The following DNAH8 variants were observed in gnomAD, a reference collection of about 807,000 sequenced individuals.
DNAH8 encodes dynein axonemal heavy chain 8, also known as axonemal beta dynein heavy chain 8.
In DNAH8, 382 loss-of-function variants were observed where a neutral mutation model predicts 562.1. The ratio of observed to expected loss-of-function variants is 0.68; its 90% CI spans 0.63 to 0.74. The LOEUF is 0.74. Among genes scored for constraint, DNAH8 ranks in the 30% least tolerant of loss-of-function variants. The probability of loss-of-function intolerance (pLI) is 0.00; values close to 1 mark genes in which losing one functional copy is unlikely to be tolerated. For synonymous variants in DNAH8, 1,881 were observed against 1,919.4 expected (o/e 0.98, Z 0.52); for missense variants, 5,203 against 5,620.4 (o/e 0.93, Z 2.37).
At chr6:38,819,231 G>A (rs1364283240) in intron 26 of DNAH8, among the ~76,000 whole-genome samples, 1 of 152,128 alleles carries the variant, frequency 6.6e-6, no homozygotes, top group African/African-American at 2.4e-5. Flanking sequence ...CTTTTAAAAG[G>A]TGTTTAGGGA....
chr6:38,781,189 GTA>G, intron 15 of DNAH8, 63 bp from the exon 16 acceptor site: 1 of 1,516,988 alleles, frequency 6.6e-7, no homozygotes, highest in South Asian at 1.1e-5. Flanking sequence ...AAATATAGCT[GTA>G]TATATTTTTT....
chr6:38,925,449 G>T (rs1583370936), intron 73 of DNAH8, among the ~76,000 whole-genome samples: 1 of 151,856 alleles, frequency 6.6e-6, no homozygotes, highest in East Asian at 1.9e-4. Flanking sequence ...GACCCTCCCA[G>T]ACTCCCAAAA....
intron 66 of DNAH8, among the ~76,000 whole-genome samples, chr6:38,913,542 G>A (rs146438494): frequency 2.6e-5 from 4 of 152,254 alleles, no homozygotes; most frequent in East Asian, 1.9e-4. Context: ...GCCACAGAGA[G>A]CATAAATTTG....
At chr6:38,874,074 TTCTTTC>T (rs1561797440) in intron 52 of DNAH8, among the ~76,000 whole-genome samples, 3 of 100,540 alleles carry the variant, frequency 3.0e-5, no homozygotes, top group Non-Finnish European at 4.2e-5. Flanking sequence ...TTCTTTTTCT[TTCTTTC>T]TTTCTTTCTT....
intron 89 of DNAH8, among the ~76,000 whole-genome samples, chr6:39,010,112 C>T (rs1304054751): frequency 6.7e-6 from 1 of 150,216 alleles, no homozygotes; most frequent in Non-Finnish European, 1.5e-5. Flanking sequence ...GCCACTTCAC[C>T]AACAAGACCT....
chr6:38,772,029 CT>C (rs34980133), intron 12 of DNAH8, among the ~76,000 whole-genome samples: 5,057 of 131,826 alleles, frequency 0.038, 183 homozygotes, highest in African/African-American at 0.11. Flanking sequence ...TTTATGATTT[CT>C]TTTTTTTTTT....
At chr6:38,987,383 C>A (rs1052018142) in intron 87 of DNAH8, among the ~76,000 whole-genome samples, 32 of 152,170 alleles carry the variant, frequency 2.1e-4, no homozygotes, top group African/African-American at 6.0e-4. Context: ...CTTCAACCCT[C>A]TCCTAGAAAC....
rs757046068 is a variant in DNAH8 at position 38,807,650 on chromosome 6, T to C, written c.3191T>C (p.Leu1064Pro). 1 of 1,566,656 alleles carries C rather than the reference T, an allele frequency of 6.4e-7. No homozygotes were observed. Among genetic ancestry groups the C allele is most frequent in the South Asian group, 1.3e-5 (1 of 78,976 alleles). ...EVFAFFSHQL[L>P]DSLQKATRLS... ...TTTGCTTTTTTCTCTCATCAATTAC[T>C]AGACAGTCTTCAAAAAGCTACACGG... Residue 1064 changes from leucine to proline, a missense_variant, in exon 24 of 93, where the codon CTA becomes CCA. This residue lies in a region of DNAH8 where 2,176 missense variants were observed against 2,365.1 expected (regional missense o/e 0.92). Transcript: ENST00000327475.
intron 8 of DNAH8, among the ~76,000 whole-genome samples, chr6:38,744,565 A>G (rs1417126975): frequency 1.3e-5 from 2 of 151,944 alleles, no homozygotes; most frequent in Admixed American, 6.6e-5. Context: ...AAATTCAGAC[A>G]TTGTTTTGTA....
At chr6:38,907,050 T>C (rs2150521778) in intron 63 of DNAH8, among the ~76,000 whole-genome samples, 1 of 152,320 alleles carries the variant, frequency 6.6e-6, no homozygotes, top group Middle Eastern at 3.4e-3. Context: ...TGAAACATTG[T>C]GGTCCCAAGC....
intron 58 of DNAH8, among the ~76,000 whole-genome samples, chr6:38,891,804 G>A (rs1327263502): frequency 5.9e-5 from 9 of 152,240 alleles, no homozygotes; most frequent in Admixed American, 5.2e-4. Context: ...CCTTGCAGCT[G>A]TCTTCCATCA....
chr6:38,999,222 T>A (rs1332408115), intron 88 of DNAH8, among the ~76,000 whole-genome samples: 2 of 152,146 alleles, frequency 1.3e-5, no homozygotes, highest in Non-Finnish European at 2.9e-5. Context: ...CAGCAGCATC[T>A]CCATCAGCCT....
chr6:38,839,072 G>A (rs538358680), intron 33 of DNAH8, among the ~76,000 whole-genome samples: 1 of 152,234 alleles, frequency 6.6e-6, no homozygotes, highest in South Asian at 2.1e-4. Flanking sequence ...TTCTCCAAAC[G>A]TAATCCATTA....
At chr6:38,807,758 A>G (rs761657939) in intron 24 of DNAH8, 42 bp downstream of exon 24, 1 of 1,048,766 alleles carries the variant, frequency 9.5e-7, no homozygotes, top group South Asian at 2.1e-5. Context: ...AATCATACTT[A>G]TAATGTGAAT....
At chr6:38,918,174 T>A in intron 70 of DNAH8, 34 bp downstream of exon 70, 2 of 1,477,794 alleles carry the variant, frequency 1.4e-6, no homozygotes, top group Non-Finnish European at 1.9e-6. Flanking sequence ...AGTAAATCAA[T>A]ATTTCATAAA....
chr6:38,907,874 A>G (rs560428430), intron 63 of DNAH8, 82 bp from the exon 64 acceptor site: 1 of 1,181,106 alleles, frequency 8.5e-7, no homozygotes, highest in African/African-American at 1.6e-5. Flanking sequence ...CATGCAAATT[A>G]AAAAAGGGAC....
At position 38,935,484 on chromosome 6, in the gene DNAH8, GTA is replaced by G. The variant is rs1782876202; in HGVS notation, c.11458-107_11458-106del. ...AGTAATTTCTTCTGCCATTCAAAAG[GTA>G]CTTTGCTTTAAACTTTTAAAATTGT... On this transcript the variant is annotated intron_variant, in intron 76 of 92. Coordinates refer to ENST00000327475, the MANE Select transcript of DNAH8 (RefSeq NM_001206927.2). 3 of 698,478 alleles carry G rather than the reference GTA, an allele frequency of 4.3e-6. No individual in the cohort carries two copies. The Admixed American group carries it at 7.8e-5, about 18-fold the overall frequency. 43.3% of individuals were successfully genotyped at this position (698,478 alleles called of 1,614,324 possible). A position where few individuals can be genotyped will look rare whatever the true frequency, so the allele number is the denominator to read the frequency against.
intron 9 of DNAH8, among the ~76,000 whole-genome samples, chr6:38,750,815 G>A (rs1765378333): frequency 6.6e-6 from 1 of 151,916 alleles, no homozygotes; most frequent in Admixed American, 6.6e-5. Flanking sequence ...TATAATTAAT[G>A]CATTAAAAAT....
At chr6:38,914,611 A>G (rs571692118) in intron 67 of DNAH8, among the ~76,000 whole-genome samples, 76 of 151,900 alleles carry the variant, frequency 5.0e-4, no homozygotes, top group Non-Finnish European at 1.0e-3. Flanking sequence ...CGGCCTCCCA[A>G]AGTGCTGGGA....
Sources: gnomAD v4.1 joint callset for allele counts (sites outside exome capture counted in the v4.1 genomes callset) on GRCh38, gnomAD v4.1.1 for gene constraint, gnomAD v4.1.1 regional missense constraint, MANE v1.5 for transcripts, NCBI Gene and HGNC (gene_info 2026-07-23, HGNC 2026-07-21) for gene names.